Variants in ROBO2 observed in about 807,000 individuals in gnomAD.
ROBO2 encodes the protein roundabout homolog 2.
Under a neutral mutation model 160.8 loss-of-function variants are expected in ROBO2, and 53 were observed. That is an observed-to-expected ratio of 0.33 (90% CI 0.26 to 0.41). The LOEUF (loss-of-function observed/expected upper bound fraction) is 0.41, where lower values mean the gene tolerates loss of function less well. ROBO2 is among the 10% of genes least tolerant of loss of function. The probability of loss-of-function intolerance (pLI) is 1.00; values close to 1 mark genes in which losing one functional copy is unlikely to be tolerated. For synonymous variants in ROBO2, 664 were observed against 611.7 expected, an observed-to-expected ratio of 1.09 and a Z score of -1.26; for missense variants, 1,577 against 1,722.4, an observed-to-expected ratio of 0.92 and a Z score of 1.49.
chr3:76,189,368 GT>G (rs1458871070), intron 2 of ROBO2, among the ~76,000 whole-genome samples: 1 of 152,074 alleles, frequency 6.6e-6, no homozygotes, highest in African/African-American at 2.4e-5. Flanking sequence ...AGGATAAAGA[GT>G]AGATGCCTTT....
intron 2 of ROBO2, among the ~76,000 whole-genome samples, chr3:76,562,229 G>A (rs145654844): frequency 5.6e-4 from 85 of 151,430 alleles, no homozygotes; most frequent in Non-Finnish European, 1.1e-3. Flanking sequence ...TATAAAATGA[G>A]CATAATCTAA....
intron 2 of ROBO2, among the ~76,000 whole-genome samples, chr3:77,219,487 C>CTT (rs1314368807): frequency 1.4e-5 from 1 of 73,118 alleles, no homozygotes; most frequent in African/African-American, 5.2e-5. Context: ...TATATATAAT[C>CTT]TGTATATATA....
chr3:76,155,127 A>G (rs1171012878), intron 2 of ROBO2, among the ~76,000 whole-genome samples: 1 of 152,218 alleles, frequency 6.6e-6, no homozygotes, highest in Non-Finnish European at 1.5e-5. Context: ...GATCACAGGT[A>G]ATACATTAAA....
At chr3:76,071,249 C>T (rs1576734762) in intron 2 of ROBO2, among the ~76,000 whole-genome samples, 1 of 152,262 alleles carries the variant, frequency 6.6e-6, no homozygotes, top group South Asian at 2.1e-4. Context: ...TTTGTCAAAA[C>T]TGTTCTTTGG....
At chr3:77,388,113 C>G (rs1434324236) in intron 2 of ROBO2, among the ~76,000 whole-genome samples, 1 of 151,142 alleles carries the variant, frequency 6.6e-6, no homozygotes, top group South Asian at 2.1e-4. Context: ...TATAAGCAAT[C>G]CAAACTCCAT....
intron 4 of ROBO2, among the ~76,000 whole-genome samples, chr3:77,485,051 G>C (rs1009854997): frequency 6.6e-6 from 1 of 152,040 alleles, no homozygotes; most frequent in Non-Finnish European, 1.5e-5. Context: ...TGCCTGATCT[G>C]ACTTGGTTAG....
intron 2 of ROBO2, among the ~76,000 whole-genome samples, chr3:76,740,724 A>G (rs2093788183): frequency 6.6e-6 from 1 of 152,130 alleles, no homozygotes; most frequent in East Asian, 1.9e-4. Flanking sequence ...AAACTAAAAT[A>G]TATTGCTTTC....
intron 2 of ROBO2, among the ~76,000 whole-genome samples, chr3:76,239,661 C>T (rs1705171474): frequency 6.6e-6 from 1 of 152,090 alleles, no homozygotes; most frequent in African/African-American, 2.4e-5. Context: ...TGGGAAGAGC[C>T]ATGATGGTCT....
chr3:76,674,212 A>T (rs1204455723), intron 2 of ROBO2, among the ~76,000 whole-genome samples: 1 of 152,144 alleles, frequency 6.6e-6, no homozygotes, highest in Non-Finnish European at 1.5e-5. Flanking sequence ...AACTAAATCC[A>T]TTCCATTATC....
At chr3:76,132,399 G>A (rs200567421) in intron 2 of ROBO2, among the ~76,000 whole-genome samples, 6,243 of 133,736 alleles carry the variant, frequency 0.047, 617 homozygotes, top group East Asian at 0.15. Context: ...ACTGTTGGGG[G>A]GGGGGGGGGA....
chr3:77,125,805 T>C (rs1358446161), intron 2 of ROBO2, among the ~76,000 whole-genome samples: 1 of 152,192 alleles, frequency 6.6e-6, no homozygotes. Context: ...TAACAGCCAA[T>C]TTTAGAGTGC....
intron 2 of ROBO2, among the ~76,000 whole-genome samples, chr3:76,091,309 G>A (rs918202236): frequency 6.6e-5 from 10 of 151,978 alleles, no homozygotes; most frequent in African/African-American, 9.7e-5. Flanking sequence ...ATATAAAGAC[G>A]GAACATAAAA....
intron 2 of ROBO2, among the ~76,000 whole-genome samples, chr3:76,529,124 T>C (rs556716940): frequency 1.9e-4 from 29 of 152,266 alleles, no homozygotes; most frequent in African/African-American, 6.7e-4. Context: ...CAGCATGTTA[T>C]GTAGAAAATA....
rs1052300936 is a variant in ROBO2 at position 76,768,572 on chromosome 3, T to C, written c.110-329442T>C. Among the ~76,000 whole-genome samples the C allele has an allele frequency of 4.6e-5, 7 of 151,360 alleles. No individual in the cohort carries two copies. In the East Asian group the frequency reaches 1.4e-3, roughly 30 times the overall value. ...TATTAGAAAACTATATACTGTATAG[T>C]AGATTGTAAAAATCACTTTCCATTT... On this transcript the variant is annotated intron_variant, in intron 2 of 26. Coordinates refer to the ROBO2 transcript ENST00000487694.
intron 2 of ROBO2, among the ~76,000 whole-genome samples, chr3:77,371,771 G>T (rs4684000): frequency 0.11 from 16,331 of 152,160 alleles, 1,741 homozygotes; most frequent in African/African-American, 0.24. Flanking sequence ...TATATGCTGG[G>T]CCATTTGGGT....
chr3:77,360,616 C>T (rs1432231741), intron 2 of ROBO2, among the ~76,000 whole-genome samples: 1 of 151,452 alleles, frequency 6.6e-6, no homozygotes, highest in Admixed American at 6.6e-5. Flanking sequence ...TTTTCTTTTC[C>T]AGTTGACTTT....
At chr3:76,315,299 A>G (rs529942946) in intron 2 of ROBO2, among the ~76,000 whole-genome samples, 1 of 152,308 alleles carries the variant, frequency 6.6e-6, no homozygotes, top group East Asian at 1.9e-4. Context: ...AACTCAGAAA[A>G]TTATTTCACA....
chr3:77,068,877 A>C (rs1285005112), intron 1 of ROBO2, among the ~76,000 whole-genome samples: 1 of 152,164 alleles, frequency 6.6e-6, no homozygotes, highest in African/African-American at 2.4e-5. Flanking sequence ...GTGATCCGCA[A>C]ACTATAATAA....
chr3:75,947,293 G>A (rs1356085615), intron 2 of ROBO2, among the ~76,000 whole-genome samples: 1 of 152,096 alleles, frequency 6.6e-6, no homozygotes, highest in Non-Finnish European at 1.5e-5. Flanking sequence ...GGCTAGAGAT[G>A]TGAGTTAGAT....
Sources: allele counts gnomAD v4.1 joint callset (sites outside exome capture counted in the v4.1 genomes callset), GRCh38; gene constraint gnomAD v4.1.1; transcripts MANE v1.5; gene names NCBI Gene and HGNC (gene_info 2026-07-23, HGNC 2026-07-21).